The following SHOX variants were observed in gnomAD, a reference collection of about 807,000 sequenced individuals.
The protein encoded by SHOX is short stature homeobox protein.
Under a neutral mutation model 29.6 loss-of-function variants are expected in SHOX, and 12 were observed. That is an observed-to-expected ratio of 0.41 (90% CI 0.26 to 0.66). The LOEUF (loss-of-function observed/expected upper bound fraction) is 0.66, where lower values mean the gene tolerates loss of function less well. Among genes scored for constraint, SHOX ranks in the 30% least tolerant of loss-of-function variants. The pLI, the probability that SHOX is intolerant of heterozygous loss-of-function variation, is 0.35. For synonymous variants in SHOX, 214 were observed against 200.6 expected, an observed-to-expected ratio of 1.07 and a Z score of -0.57; for missense variants, 499 against 437.7, an observed-to-expected ratio of 1.14 and a Z score of -1.25.
chrX:651,394 AAAACAAAC>A lies in SHOX; in HGVS notation c.*6768_*6775del, dbSNP rs781601972. 1 of 446,166 alleles carries A rather than the reference AAAACAAAC, an allele frequency of 2.2e-6. No homozygotes were observed. Among genetic ancestry groups the A allele is most frequent in the Admixed American group, 2.4e-5 (1 of 41,420 alleles). 27.6% of individuals were successfully genotyped at this position (446,166 alleles called of 1,614,324 possible). A position where few individuals can be genotyped will look rare whatever the true frequency, so the allele number is the denominator to read the frequency against. On this transcript the variant is annotated 3_prime_UTR_variant, in exon 5 of 5. Transcript: ENST00000686671. Reference sequence around the variant, plus strand: ...TCGGCAGGCGGTGAGGGGTAGAAAAAAAACAAACAAACAAACAGAAAAAAAAACCAAAA... The same window carrying A: ...TCGGCAGGCGGTGAGGGGTAGAAAAAAAACAAACAGAAAAAAAAACCAAAA...
At chrX:641,213 CT>C in intron 4 of SHOX, 126 bp downstream of exon 4, 1 of 961,856 alleles carries the variant, frequency 1.0e-6, no homozygotes, top group Non-Finnish European at 1.6e-6. Context: ...TCAGCTGGCC[CT>C]TAGAAAAAAA....
chrX:652,839 C>G (rs2053086642), downstream of SHOX, among the ~76,000 whole-genome samples: 1 of 150,886 alleles, frequency 6.6e-6, no homozygotes, highest in African/African-American at 2.4e-5. Flanking sequence ...TGCGTGTTAG[C>G]AGAGGTGCTT....
At position 648,700 on chromosome X, in the gene SHOX, C is replaced by T. The variant is rs1006575473; in HGVS notation, c.*4064C>T. 6.6e-6 allele frequency among the ~76,000 whole-genome samples: 1 copy of T among 152,118 alleles called. No homozygotes were observed. Among genetic ancestry groups the T allele is most frequent in the Non-Finnish European group, 1.5e-5 (1 of 68,030 alleles). On this transcript the variant is annotated 3_prime_UTR_variant, in exon 5 of 5. Transcript: ENST00000686671. ...CACGAGTGTCTGTGGACACTGGCTG[C>T]CTTTGGCTTTTCTCCTGCGAGAGAA...
At chrX:643,432 C>T (rs1199364975) in intron 4 of SHOX, among the ~76,000 whole-genome samples, 1 of 142,152 alleles carries the variant, frequency 7.0e-6, no homozygotes, top group Non-Finnish European at 1.5e-5. Context: ...CTTGGAGAGG[C>T]CTGGGGACCT....
chrX:654,988 C>T (rs2053117475), downstream of SHOX, among the ~76,000 whole-genome samples: 1 of 150,472 alleles, frequency 6.6e-6, no homozygotes, highest in Admixed American at 6.6e-5. Flanking sequence ...GCGCCTGGCC[C>T]AGGAGGATTA....
rs28628476 is a variant in SHOX at position 647,115 on chromosome X, C to T, written c.*2479C>T. Among the ~76,000 whole-genome samples the T allele has an allele frequency of 0.76, 113,862 of 149,744 alleles. 44,062 individuals are homozygous for T. The highest frequency in any genetic ancestry group is 0.9 in the African/African-American group (36,467 of 40,654). On this transcript the variant is annotated 3_prime_UTR_variant, in exon 5 of 5. Transcript: ENST00000686671. The stretch of plus-strand genomic sequence containing the variant: ...TTTAGAGACGGAATTTCAATCTTGT[C>T]CCCCAGGCTGGAGTGCAGTGGCACA...
chrX:640,213 T>C (rs750164105), intron 2 of SHOX, among the ~76,000 whole-genome samples: 3 of 151,294 alleles, frequency 2.0e-5, no homozygotes, highest in African/African-American at 7.3e-5. Context: ...GGTGTGGTGG[T>C]GTGCGCCTGT....
rs1202702165 is a variant in SHOX at position 649,033 on chromosome X, CTT to C, written c.*4401_*4402del. 7.7e-5 allele frequency among the ~76,000 whole-genome samples: 5 copies of C among 65,296 alleles called. No individual in the cohort carries two copies. 42.8% of individuals were successfully genotyped at this position (65,296 alleles called of 152,430 possible). ...TTTCTTTCTTTCTTTTTCTTTCTTT[CTT>C]TTTCTTTCTTCTTTCTTTCTTCGAT... On this transcript the variant is annotated 3_prime_UTR_variant, in exon 5 of 5. Transcript: ENST00000686671.
In SHOX at chrX:651,405, A is replaced by C; in HGVS notation, c.*6769A>C. On this transcript the variant is annotated 3_prime_UTR_variant, in exon 5 of 5. Coordinates refer to ENST00000686671, the MANE Select transcript of SHOX (RefSeq NM_000451.4). The stretch of plus-strand genomic sequence containing the variant: ...TGAGGGGTAGAAAAAAAACAAACAA[A>C]CAAACAGAAAAAAAAACCAAAAAAA... 2.3e-6 allele frequency: 1 copy of C among 429,086 alleles called. No homozygotes were observed. The highest frequency in any genetic ancestry group is 1.6e-5 in the South Asian group (1 of 63,372). 26.6% of individuals were successfully genotyped at this position (429,086 alleles called of 1,614,324 possible).
At chrX:639,308 TG>T (rs1438628180) in intron 2 of SHOX, among the ~76,000 whole-genome samples, 1 of 152,208 alleles carries the variant, frequency 6.6e-6, no homozygotes, top group Non-Finnish European at 1.5e-5. Flanking sequence ...TGGTCATGAA[TG>T]GGACCCTTTC....
At chrX:632,109 TA>T (rs1239961698) in intron 1 of SHOX, 30 of 413,674 alleles carry the variant, frequency 7.3e-5, no homozygotes, top group Non-Finnish European at 1.1e-4. Context: ...GTTGGGTCCA[TA>T]AAAACCACTC....
chrX:627,494 C>T (rs2052559269), upstream of SHOX, among the ~76,000 whole-genome samples: 1 of 152,190 alleles, frequency 6.6e-6, no homozygotes, highest in Non-Finnish European at 1.5e-5. Context: ...AAGATGAGAT[C>T]TCTTTCGCGT....
intron 2 of SHOX, among the ~76,000 whole-genome samples, chrX:637,458 G>GGTT (rs2052777763): frequency 6.6e-6 from 1 of 151,896 alleles, no homozygotes; most frequent in Non-Finnish European, 1.5e-5. Flanking sequence ...GCGGAAAATT[G>GGTT]GTTGTGGGGT....
upstream of SHOX, among the ~76,000 whole-genome samples, chrX:626,493 CCT>C (rs1403503840): frequency 2.3e-5 from 3 of 130,794 alleles, no homozygotes; most frequent in East Asian, 6.6e-4. Context: ...TTCTCTCTCT[CCT>C]CTCTCTCTGT....
At chrX:635,319 C>A (rs1325994361) in intron 2 of SHOX, among the ~76,000 whole-genome samples, 1 of 152,230 alleles carries the variant, frequency 6.6e-6, no homozygotes, top group African/African-American at 2.4e-5. Flanking sequence ...AAAAATGTGT[C>A]TTTTGGCCCC....
In SHOX at chrX:634,651, T is replaced by C. The variant is rs1167515860; in HGVS notation, c.311T>C (p.Val104Ala). ...GAATGCAAAGAGAAGCGCGAGGACGTGAAGTCGGAGGACGAGGACGGGCAG... is the reference window on the plus strand; with the variant it reads ...GAATGCAAAGAGAAGCGCGAGGACGCGAAGTCGGAGGACGAGGACGGGCAG... ...IYECKEKRED[V>A]KSEDEDGQTK... Residue 104 changes from valine (V) to alanine (A), a missense_variant, in exon 2 of 5, where the codon GTG (valine) becomes GCG (alanine). Physicochemically the swap from Val to Ala is moderately conservative, Grantham distance 64 (BLOSUM62 0). Transcript: ENST00000686671. 1 of 1,613,830 alleles carries C rather than the reference T, an allele frequency of 6.2e-7. No homozygotes were observed. Among genetic ancestry groups the C allele is most frequent in the Non-Finnish European group, 8.5e-7 (1 of 1,179,868 alleles).
chrX:640,110 C>G (rs2052824893), intron 2 of SHOX, among the ~76,000 whole-genome samples: 1 of 151,820 alleles, frequency 6.6e-6, no homozygotes, highest in African/African-American at 2.4e-5. Context: ...TTTGGGAGGC[C>G]CAGGAGGGTG....
intron 1 of SHOX, chrX:624,650 C>A (rs1169585828): frequency 6.6e-6 from 1 of 151,898 alleles, no homozygotes; most frequent in Non-Finnish European, 1.5e-5. Flanking sequence ...AAAGCTTTGC[C>A]TTCTTTCCTT....
rs745371572 is a variant in SHOX at position 630,923 on chromosome X, C to G, written c.26C>G (p.Ser9Cys). The G allele has an allele frequency of 3.7e-6, 6 of 1,613,612 alleles. No individual in the cohort carries two copies. In the African/African-American group the frequency reaches 6.7e-5, roughly 18 times the overall value. MEELTAFV[S>C]KSFDQKSKDG... ...ATGGAAGAGCTCACGGCTTTTGTAT[C>G]CAAGTCTTTTGACCAGAAAAGCAAG... The change falls in exon 1 of 5, where the codon TCC becomes TGC. Residue 9 changes from serine (S) to cysteine (C), a missense_variant. By Grantham distance (112) the Ser-to-Cys change is moderately radical. Transcript: ENST00000686671.
Sources: gnomAD v4.1 joint callset for allele counts (sites outside exome capture counted in the v4.1 genomes callset) on GRCh38, gnomAD v4.1.1 for gene constraint, MANE v1.5 for transcripts, NCBI Gene and HGNC (gene_info 2026-07-23, HGNC 2026-07-21) for gene names.